DIP2C: variants seen among roughly 807,000 people sequenced by gnomAD.
The protein encoded by DIP2C is disco-interacting protein 2 homolog C.
In DIP2C, 33 loss-of-function variants were observed where a neutral mutation model predicts 192.4. The ratio of observed to expected loss-of-function variants is 0.17; its 90% CI spans 0.13 to 0.23. The LOEUF (loss-of-function observed/expected upper bound fraction) is 0.23, where lower values mean the gene tolerates loss of function less well. Ranked by LOEUF, DIP2C falls within the 10% of genes least tolerant of loss-of-function variation. DIP2C has a pLI of 1.00. For synonymous variants in DIP2C, 979 were observed against 864.1 expected (o/e 1.13, Z -2.33); for missense variants, 1,537 against 2,110.1 (o/e 0.73, Z 5.32).
intron 1 of DIP2C, chr10:668,105 CACA>C (rs981192270): frequency 1.3e-5 from 2 of 151,162 alleles, no homozygotes; most frequent in Non-Finnish European, 2.9e-5. Flanking sequence ...TCACGCACAA[CACA>C]ACATGCACAA....
chr10:321,563 A>G, intron 31 of DIP2C, among the ~76,000 whole-genome samples: 1 of 129,092 alleles, frequency 7.7e-6, no homozygotes, highest in Non-Finnish European at 1.7e-5. Context: ...CGCTGTTAGA[A>G]CAGTCAGTCG....
intron 1 of DIP2C, among the ~76,000 whole-genome samples, chr10:564,753 A>C (rs1490451862): frequency 1.3e-5 from 2 of 152,204 alleles, no homozygotes; most frequent in East Asian, 1.9e-4. Flanking sequence ...CACAGAACTC[A>C]GCCTACTCGG....
chr10:643,911 A>C (rs1427438527), intron 1 of DIP2C, among the ~76,000 whole-genome samples: 1 of 152,252 alleles, frequency 6.6e-6, no homozygotes, highest in African/African-American at 2.4e-5. Context: ...TTAAGGAAAA[A>C]GTGTATGGAA....
intron 2 of DIP2C, among the ~76,000 whole-genome samples, chr10:480,331 A>G (rs1376741290): frequency 7.1e-6 from 1 of 140,572 alleles, no homozygotes; most frequent in Non-Finnish European, 1.5e-5. Context: ...GTCCATGCTC[A>G]CTGGATGAGG....
rs1461303289 is a variant in DIP2C, at chr10:417,941, T to C, written c.739+1124A>G. Reference sequence around the variant, plus strand: ...CCACCTGTTCCTGTCAGGGCTTCGATAGGCCTCCCTGTCCACCTGCACCTG... The same window carrying C: ...CCACCTGTTCCTGTCAGGGCTTCGACAGGCCTCCCTGTCCACCTGCACCTG... On this transcript the variant is annotated intron_variant, in intron 6 of 36. Coordinates refer to ENST00000280886, the MANE Select transcript of DIP2C (RefSeq NM_014974.3). Among the ~76,000 whole-genome samples, 295 of 76,924 alleles carry C rather than the reference T, an allele frequency of 3.8e-3. 3 individuals are homozygous for C. The highest frequency in any genetic ancestry group is 0.011 in the East Asian group (20 of 1,856). 50.5% of individuals were successfully genotyped at this position (76,924 alleles called of 152,430 possible).
At chr10:536,381 C>CG (rs996107575) in intron 1 of DIP2C, among the ~76,000 whole-genome samples, 15 of 151,244 alleles carry the variant, frequency 9.9e-5, no homozygotes, top group African/African-American at 3.4e-4. Context: ...ATCACAGTCC[C>CG]GGGGGCTAGA....
chr10:548,959 T>C (rs1448830103), intron 1 of DIP2C, among the ~76,000 whole-genome samples: 5 of 68,226 alleles, frequency 7.3e-5, no homozygotes, highest in African/African-American at 2.6e-4. Flanking sequence ...AAAAAATTCA[T>C]TTAAGATCAG....
At chr10:506,317 G>A (rs1332862618) in intron 1 of DIP2C, among the ~76,000 whole-genome samples, 1 of 152,184 alleles carries the variant, frequency 6.6e-6, no homozygotes, top group African/African-American at 2.4e-5. Context: ...CAAGCTGCAT[G>A]ACATCTTCTG....
intron 3 of DIP2C, among the ~76,000 whole-genome samples, 158 bp downstream of exon 3, chr10:472,281 G>A (rs564527430): frequency 7.9e-5 from 12 of 152,332 alleles, no homozygotes; most frequent in Middle Eastern, 3.4e-3. Flanking sequence ...GGACACTGGC[G>A]TCTCCCGAGA....
chr10:606,883 G>A (rs931941501), intron 1 of DIP2C, among the ~76,000 whole-genome samples: 1 of 152,164 alleles, frequency 6.6e-6, no homozygotes. Context: ...TGTGAAGCTG[G>A]AGGCCTGTCA....
chr10:365,463 G>C (rs1960078266), intron 19 of DIP2C, among the ~76,000 whole-genome samples: 1 of 152,214 alleles, frequency 6.6e-6, no homozygotes, highest in South Asian at 2.1e-4. Context: ...CTTGAGCCCA[G>C]GAGTTTGAAG....
At chr10:639,700 G>C (rs1855056327) in intron 1 of DIP2C, among the ~76,000 whole-genome samples, 1 of 152,232 alleles carries the variant, frequency 6.6e-6, no homozygotes, top group South Asian at 2.1e-4. Flanking sequence ...GTTTAGAGCA[G>C]TCTTTCATGT....
chr10:560,794 C>T (rs1345880073), intron 1 of DIP2C, among the ~76,000 whole-genome samples: 2 of 152,158 alleles, frequency 1.3e-5, no homozygotes, highest in Non-Finnish European at 2.9e-5. Flanking sequence ...AAAACTAGTC[C>T]AGGCCATGAT....
intron 29 of DIP2C, among the ~76,000 whole-genome samples, chr10:334,083 T>C (rs1483707814): frequency 1.3e-5 from 2 of 152,094 alleles, no homozygotes; most frequent in Non-Finnish European, 2.9e-5. Context: ...AGCGGGCAGA[T>C]TACTTGAGGT....
At chr10:423,390 A>T (rs976656827) in intron 4 of DIP2C, among the ~76,000 whole-genome samples, 17 of 152,210 alleles carry the variant, frequency 1.1e-4, no homozygotes, top group African/African-American at 3.9e-4. Flanking sequence ...GGGGATGCTG[A>T]GGGCCTGTGC....
At chr10:398,351 CTCTT>C (rs901878636) in intron 10 of DIP2C, among the ~76,000 whole-genome samples, 62 of 152,216 alleles carry the variant, frequency 4.1e-4, no homozygotes, top group African/African-American at 1.4e-3. Context: ...TTTAGATAAA[CTCTT>C]TCAACCAACT....
At chr10:618,605 T>C (rs930321496) in intron 1 of DIP2C, among the ~76,000 whole-genome samples, 3 of 18,754 alleles carry the variant, frequency 1.6e-4, no homozygotes, top group Non-Finnish European at 2.1e-3. Flanking sequence ...GACTACTAAA[T>C]AATGATTTTT....
At chr10:623,222 G>C (rs1853981690) in intron 1 of DIP2C, among the ~76,000 whole-genome samples, 1 of 151,844 alleles carries the variant, frequency 6.6e-6, no homozygotes, top group Non-Finnish European at 1.5e-5. Context: ...CCGAGGGGAT[G>C]CTGCAGCCGG....
chr10:341,095 AGTGGGGGT>A lies in DIP2C; in HGVS notation c.3584+96_3584+103del, dbSNP rs1199113712. On this transcript the variant is annotated intron_variant, in intron 29 of 36. Coordinates refer to ENST00000280886, the MANE Select transcript of DIP2C (RefSeq NM_014974.3). ...TAAGCCCCAGGCCTCCTCTGGCAGG[AGTGGGGGT>A]GTGGGGGCAGTGCTTAGGTTGCCTG... The A allele has an allele frequency of 1.1e-5, 16 of 1,501,488 alleles. No individual in the cohort carries two copies. The East Asian group carries it at 3.2e-4, about 30-fold the overall frequency. The allele number at this position is 1,501,488 out of a possible 1,614,324, so 93.0% of individuals were successfully genotyped here.
Sources: gnomAD v4.1 joint callset for allele counts (sites outside exome capture counted in the v4.1 genomes callset) on GRCh38, gnomAD v4.1.1 for gene constraint, MANE v1.5 for transcripts, NCBI Gene and HGNC (gene_info 2026-07-23, HGNC 2026-07-21) for gene names.